MIPOL1: variants seen among roughly 807,000 people sequenced by gnomAD.
MIPOL1 encodes mirror-image polydactyly 1.
Under a neutral mutation model 60.9 loss-of-function variants are expected in MIPOL1, and 57 were observed. The ratio of observed to expected loss-of-function variants is 0.94; its 90% CI spans 0.76 to 1.17. MIPOL1 has a LOEUF of 1.17. Ranked by LOEUF, MIPOL1 falls within the 50% of genes most tolerant of loss-of-function variation. MIPOL1 has a pLI of 0.00. For missense variants in MIPOL1, 551 were observed against 511.6 expected (o/e 1.08, Z -0.74); for synonymous variants, 179 against 168.8 (o/e 1.06, Z -0.47).
chr14:37,270,609 C>A, intron 6 of MIPOL1, 84 bp downstream of exon 6: 2 of 525,654 alleles, frequency 3.8e-6, no homozygotes, highest in African/African-American at 2.1e-5. Context: ...TACTAGCATA[C>A]TGGCTTATTT....
intron 10 of MIPOL1, among the ~76,000 whole-genome samples, chr14:37,419,129 T>G (rs1756308785): frequency 6.6e-6 from 1 of 152,134 alleles, no homozygotes; most frequent in East Asian, 1.9e-4. Flanking sequence ...ATGTACAGAT[T>G]GTGATACATT....
chr14:37,435,300 T>C (rs2094146469), intron 11 of MIPOL1, among the ~76,000 whole-genome samples: 1 of 152,164 alleles, frequency 6.6e-6, no homozygotes, highest in African/African-American at 2.4e-5. Flanking sequence ...GCCATGTGTT[T>C]TCTCTGCCTG....
intron 10 of MIPOL1, among the ~76,000 whole-genome samples, chr14:37,420,444 A>C (rs928107425): frequency 3.3e-5 from 5 of 152,220 alleles, no homozygotes; most frequent in African/African-American, 7.2e-5. Flanking sequence ...AAAGAAAAAC[A>C]GGAAAAATAT....
intron 10 of MIPOL1, among the ~76,000 whole-genome samples, chr14:37,374,227 GTTGT>G (rs772971658): frequency 6.6e-6 from 1 of 152,062 alleles, no homozygotes; most frequent in African/African-American, 2.4e-5. Context: ...TTTTGATGGG[GTTGT>G]TTGTTTTTCG....
chr14:37,290,956 A>T (rs1436611433), intron 7 of MIPOL1, among the ~76,000 whole-genome samples: 1 of 152,118 alleles, frequency 6.6e-6, no homozygotes, highest in Non-Finnish European at 1.5e-5. Context: ...GAGTGATAAC[A>T]TGTGGTATTT....
intron 11 of MIPOL1, among the ~76,000 whole-genome samples, chr14:37,441,320 G>A (rs1418617054): frequency 6.6e-6 from 1 of 152,114 alleles, no homozygotes; most frequent in Non-Finnish European, 1.5e-5. Context: ...CTAGACCAAT[G>A]AACAGAAGAG....
intron 9 of MIPOL1, among the ~76,000 whole-genome samples, chr14:37,320,459 A>G (rs1262833519): frequency 6.6e-6 from 1 of 151,980 alleles, no homozygotes; most frequent in Non-Finnish European, 1.5e-5. Context: ...TTCTTTTGTG[A>G]AATATCTCTT....
intron 11 of MIPOL1, among the ~76,000 whole-genome samples, chr14:37,440,368 T>A (rs900791360): frequency 4.6e-5 from 7 of 152,158 alleles, no homozygotes; most frequent in African/African-American, 1.7e-4. Context: ...AGGGTATCCA[T>A]CACCTGAATA....
At chr14:37,336,949 A>T (rs781648245) in intron 9 of MIPOL1, among the ~76,000 whole-genome samples, 4 of 151,798 alleles carry the variant, frequency 2.6e-5, no homozygotes, top group Admixed American at 6.6e-5. Context: ...TTTAGTAGAG[A>T]TGGGGTTTCA....
chr14:37,532,681 A>G (rs2095486816), intron 12 of MIPOL1, among the ~76,000 whole-genome samples: 1 of 152,128 alleles, frequency 6.6e-6, no homozygotes, highest in Non-Finnish European at 1.5e-5. Flanking sequence ...TTTTCCTTAG[A>G]TTAGTTTAGG....
In MIPOL1 at chr14:37,361,610, CTTTTTTTTTT is replaced by C. The variant is rs71127213; in HGVS notation, c.829-7889_829-7880del. 7.1e-4 allele frequency among the ~76,000 whole-genome samples: 59 copies of C among 82,582 alleles called. 1 individual carries two copies. Among genetic ancestry groups the C allele is most frequent in the Admixed American group, 1.9e-3 (11 of 5,830 alleles). The allele number at this position is 82,582 out of a possible 152,430, so 54.2% of individuals were successfully genotyped here. A position where few individuals can be genotyped will look rare whatever the true frequency, so the allele number is the denominator to read the frequency against. The stretch of plus-strand genomic sequence containing the variant: ...GCCTTTTTTGTTTCTCCCTCTCTCT[CTTTTTTTTTT>C]TTTTTTTTTTTTTTTTTGCCTCTCT... On this transcript the variant is annotated intron_variant, in intron 9 of 12. Coordinates refer to ENST00000684589, the MANE Select transcript of MIPOL1 (RefSeq NM_001388067.1).
chr14:37,324,701 AT>A, intron 9 of MIPOL1, among the ~76,000 whole-genome samples: 2 of 152,120 alleles, frequency 1.3e-5, no homozygotes, highest in South Asian at 4.1e-4. Context: ...TTAGTCTGTG[AT>A]TTATTTTGAG....
At chr14:37,493,309 T>G (rs1305869743) in intron 11 of MIPOL1, among the ~76,000 whole-genome samples, 1 of 152,160 alleles carries the variant, frequency 6.6e-6, no homozygotes, top group African/African-American at 2.4e-5. Flanking sequence ...AATATAAATA[T>G]CTGCAAGCAA....
At chr14:37,298,757 C>T (rs1377600448) in intron 7 of MIPOL1, among the ~76,000 whole-genome samples, 3 of 151,894 alleles carry the variant, frequency 2.0e-5, no homozygotes, top group Admixed American at 6.6e-5. Context: ...GATACCATCT[C>T]ACACCAGTTA....
In MIPOL1 at chr14:37,282,143, A is replaced by G. The variant is rs190562138; in HGVS notation, c.494-3175A>G. Among the ~76,000 whole-genome samples the G allele has an allele frequency of 3.9e-3, 590 of 152,024 alleles. 3 individuals are homozygous for G. Among genetic ancestry groups the G allele is most frequent in the South Asian group, 0.023 (109 of 4,828 alleles). ...CTTAAAACTAAAAGAGCATTTCAAA[A>G]TTTTTCTGAAGTTTATTTTGTAGTT... On this transcript the variant is annotated intron_variant, in intron 6 of 12. Transcript: ENST00000684589.
intron 12 of MIPOL1, among the ~76,000 whole-genome samples, chr14:37,521,142 G>A (rs2095410636): frequency 6.6e-6 from 1 of 151,572 alleles, no homozygotes; most frequent in South Asian, 2.1e-4. Context: ...TCACCATGTT[G>A]GCCTGGCTGG....
chr14:37,504,761 A>T (rs1355564141), intron 12 of MIPOL1: 1 of 152,230 alleles, frequency 6.6e-6, no homozygotes, highest in African/African-American at 2.4e-5. Flanking sequence ...AGATCAGAGC[A>T]GAACTGAAGA....
intron 11 of MIPOL1, among the ~76,000 whole-genome samples, chr14:37,432,535 G>C (rs745591562): frequency 1.3e-5 from 2 of 152,094 alleles, no homozygotes; most frequent in Non-Finnish European, 2.9e-5. Flanking sequence ...ATGTAGGTTA[G>C]TTATTTACAC....
intron 11 of MIPOL1, among the ~76,000 whole-genome samples, chr14:37,488,847 C>T (rs935203768): frequency 6.6e-6 from 1 of 152,072 alleles, no homozygotes. Context: ...GTAACCTGAC[C>T]TTTCTCTCTG....
Sources: gnomAD v4.1 joint callset for allele counts (sites outside exome capture counted in the v4.1 genomes callset) on GRCh38, gnomAD v4.1.1 for gene constraint, MANE v1.5 for transcripts, NCBI Gene and HGNC (gene_info 2026-07-23, HGNC 2026-07-21) for gene names.